The following RPF1 variants were observed in gnomAD, a reference collection of about 807,000 sequenced individuals.
RPF1 encodes ribosome production factor 1.
RPF1 carries 34 observed loss-of-function variants against 41.9 expected under a neutral mutation model. The ratio of observed to expected loss-of-function variants is 0.81; its 90% CI spans 0.62 to 1.08. The LOEUF is 1.08. Among genes scored for constraint, RPF1 ranks in the 50% least tolerant of loss-of-function variants. The probability of loss-of-function intolerance (pLI) is 0.00; values close to 1 mark genes in which losing one functional copy is unlikely to be tolerated. For missense variants in RPF1, 425 were observed against 435.2 expected (o/e 0.98, Z 0.21); for synonymous variants, 140 against 148.9 (o/e 0.94, Z 0.43).
intron 8 of RPF1, among the ~76,000 whole-genome samples, chr1:84,496,907 T>C (rs1317553008): frequency 6.6e-6 from 1 of 152,142 alleles, no homozygotes; most frequent in Non-Finnish European, 1.5e-5. Context: ...GTCTCAGCTT[T>C]GTTGCCCAGG....
Position 84,489,581 on chromosome 1 carries a change from G to T in RPF1, c.367-52G>T, listed in dbSNP as rs185473720. 5.5e-5 allele frequency: 54 copies of T among 987,422 alleles called. No homozygotes were observed. In the East Asian group the frequency reaches 1.2e-3, roughly 23 times the overall value. 61.2% of individuals were successfully genotyped at this position (987,422 alleles called of 1,614,324 possible). ...TGCTGATGCTACTTTTAGAATTCTG[G>T]CCCAGTAGAGTATTTCTTTGATGTA... On this transcript the variant is annotated intron_variant, in intron 3 of 8. Transcript: ENST00000370654.
intron 2 of RPF1, among the ~76,000 whole-genome samples, chr1:84,482,538 G>A (rs1681669557): frequency 6.6e-6 from 1 of 152,120 alleles, no homozygotes; most frequent in South Asian, 2.1e-4. Flanking sequence ...CTTCCTGAAA[G>A]TATTGGAACA....
intron 5 of RPF1, 126 bp from the exon 6 acceptor site, chr1:84,495,247 A>C: frequency 4.9e-6 from 3 of 615,494 alleles, no homozygotes; most frequent in Non-Finnish European, 8.5e-6. Flanking sequence ...CTTCAGAGGA[A>C]TATGTACATC....
rs778483032 is a variant in RPF1, at chr1:84,479,381, G to A, written c.100G>A (p.Gly34Arg). 6.2e-7 allele frequency: 1 copy of A among 1,614,178 alleles called. No homozygotes were observed. Among genetic ancestry groups the A allele is most frequent in the Non-Finnish European group, 8.5e-7 (1 of 1,180,006 alleles). Residue 34 changes from glycine to arginine, a missense_variant, in exon 1 of 9, where the codon GGG (glycine) becomes AGG (arginine). Physicochemically the swap from Gly to Arg is moderately radical, Grantham distance 125. Coordinates refer to ENST00000370654, the MANE Select transcript of RPF1 (RefSeq NM_025065.7). ...TCAGGAGGCTGCAGGCGCTGGGGAT[G>A]GGGCGACGGAAAACGGGGTCCAACC... Reference protein sequence around the residue: ...ELQEAAGAGDGATENGVQPPK... With the variant: ...ELQEAAGAGDRATENGVQPPK...
At position 84,497,603 on chromosome 1, in the gene RPF1, C is replaced by A; in HGVS notation, c.*133C>A. On this transcript the variant is annotated 3_prime_UTR_variant, in exon 9 of 9. Transcript: ENST00000370654. ...AACCTTTCACGTCTGGACGAATTAC[C>A]AAATGCCATGAATTGCCACTGTGTG... The A allele has an allele frequency of 1.9e-6, 1 of 535,578 alleles. No homozygotes were observed. Among genetic ancestry groups the A allele is most frequent in the African/African-American group, 2.0e-5 (1 of 50,734 alleles). The allele number at this position is 535,578 out of a possible 1,614,324, so 33.2% of individuals were successfully genotyped here.
Position 84,479,522 on chromosome 1 carries a change from C to A in RPF1, c.228+13C>A. 3 of 1,610,888 alleles carry A rather than the reference C, an allele frequency of 1.9e-6. No homozygotes were observed. The highest frequency in any genetic ancestry group is 2.2e-5 in the South Asian group (2 of 90,914). ...GCAGCAGCGGAAGGTACGCGAGAGGCGGGGGCTGCCGGGCGCTTGCGCGTT... is the reference window on the plus strand; with the variant it reads ...GCAGCAGCGGAAGGTACGCGAGAGGAGGGGGCTGCCGGGCGCTTGCGCGTT... On this transcript the variant is annotated intron_variant, in intron 1 of 8. Coordinates refer to ENST00000370654, the MANE Select transcript of RPF1 (RefSeq NM_025065.7).
chr1:84,490,602 C>CT, intron 5 of RPF1, 130 bp downstream of exon 5: 1 of 659,942 alleles, frequency 1.5e-6, no homozygotes, highest in Non-Finnish European at 2.4e-6. Context: ...AATTGTATCT[C>CT]TTTCCAAGAG....
intron 8 of RPF1, 74 bp from the exon 9 acceptor site, chr1:84,497,355 T>C (rs1235877774): frequency 6.1e-6 from 8 of 1,301,116 alleles, no homozygotes; most frequent in Non-Finnish European, 8.7e-6. Flanking sequence ...CGTTAACTTT[T>C]ACTGTCTTAC....
At chr1:84,493,665 C>G (rs901716188) in intron 5 of RPF1, among the ~76,000 whole-genome samples, 1 of 152,014 alleles carries the variant, frequency 6.6e-6, no homozygotes, top group Non-Finnish European at 1.5e-5. Flanking sequence ...AGGTGTTTTC[C>G]TAACTCAAAA....
chr1:84,482,687 A>G (rs1299827947), intron 2 of RPF1, among the ~76,000 whole-genome samples: 3 of 150,268 alleles, frequency 2.0e-5, no homozygotes, highest in Non-Finnish European at 4.4e-5. Flanking sequence ...CTTTTCATTC[A>G]GTGTTGGCCA....
intron 3 of RPF1, 112 bp downstream of exon 3, chr1:84,483,107 T>G: frequency 1.6e-6 from 1 of 612,456 alleles, no homozygotes; most frequent in Admixed American, 2.6e-5. Context: ...ATGGACTGAT[T>G]CAGCTAAAAT....
chr1:84,480,549 A>G (rs547297740), intron 1 of RPF1, among the ~76,000 whole-genome samples: 5 of 152,192 alleles, frequency 3.3e-5, no homozygotes, highest in African/African-American at 9.7e-5. Flanking sequence ...CTCAGCTCCC[A>G]TTCCTATTTT....
intron 5 of RPF1, among the ~76,000 whole-genome samples, chr1:84,493,777 G>T (rs1196438024): frequency 6.6e-6 from 1 of 152,154 alleles, no homozygotes; most frequent in Admixed American, 6.5e-5. Flanking sequence ...TGAGTAAAAC[G>T]TTGCAGGTAT....
chr1:84,496,894 T>G (rs2794217), intron 8 of RPF1, among the ~76,000 whole-genome samples: 1 of 151,810 alleles, frequency 6.6e-6, no homozygotes, highest in African/African-American at 2.4e-5. Flanking sequence ...TTTTTTGAGA[T>G]GAGTCTCAGC....
chr1:84,484,471 A>G (rs1681705557), intron 3 of RPF1, among the ~76,000 whole-genome samples: 1 of 151,892 alleles, frequency 6.6e-6, no homozygotes, highest in African/African-American at 2.4e-5. Flanking sequence ...TTCCATTGTA[A>G]TTACTCTTTA....
intron 5 of RPF1, among the ~76,000 whole-genome samples, chr1:84,492,322 G>A (rs1462398192): frequency 6.6e-6 from 1 of 152,128 alleles, no homozygotes; most frequent in Non-Finnish European, 1.5e-5. Context: ...CCATTGGAGG[G>A]GCTACTGTGT....
chr1:84,489,361 A>G (rs192883766), intron 3 of RPF1, among the ~76,000 whole-genome samples: 2 of 152,190 alleles, frequency 1.3e-5, no homozygotes, highest in Admixed American at 1.3e-4. Context: ...GATGAGGGAA[A>G]TGAAAGTAGT....
intron 4 of RPF1, among the ~76,000 whole-genome samples, chr1:84,489,988 A>T (rs1027301590): frequency 1.3e-5 from 2 of 152,178 alleles, no homozygotes; most frequent in Admixed American, 1.3e-4. Flanking sequence ...TCATTACAGG[A>T]TGTTTAGCAG....
In RPF1 at chr1:84,490,420, C is replaced by T. The variant is rs1228933998; in HGVS notation, c.564C>T (p.Ile188=). 7.5e-6 allele frequency: 12 copies of T among 1,610,272 alleles called. No homozygotes were observed. Among genetic ancestry groups the T allele is most frequent in the East Asian group, 2.2e-5 (1 of 44,738 alleles). ...TGAAAAAAATTATTCCACAGTGCAT[C>T]GCAAGAGATTTCACAGACCTGATTG... The part of the protein sequence containing the change: ...LALKKIIPQC[I]ARDFTDLIVI... Residue 188 remains isoleucine (I), a synonymous_variant, in exon 5 of 9, where the codon ATC becomes ATT. Transcript: ENST00000370654.
Sources: gnomAD v4.1 joint callset for allele counts (sites outside exome capture counted in the v4.1 genomes callset) on GRCh38, gnomAD v4.1.1 for gene constraint, MANE v1.5 for transcripts, NCBI Gene and HGNC (gene_info 2026-07-23, HGNC 2026-07-21) for gene names.